Variants in MDGA2 observed in about 807,000 individuals in gnomAD.
The protein encoded by MDGA2 is MAM domain-containing glycosylphosphatidylinositol anchor protein 2.
Under a neutral mutation model 117.8 loss-of-function variants are expected in MDGA2, and 40 were observed. The ratio of observed to expected loss-of-function variants is 0.34; its 90% CI spans 0.26 to 0.44. The LOEUF (loss-of-function observed/expected upper bound fraction) is 0.44. Ranked by LOEUF, MDGA2 falls within the 20% of genes least tolerant of loss-of-function variation. MDGA2 has a pLI of 1.00. For missense variants in MDGA2, 1,123 were observed against 1,250.6 expected (o/e 0.90, Z 1.54); for synonymous variants, 452 against 439.0 (o/e 1.03, Z -0.37).
chr14:47,083,033 C>T (rs1016024582), intron 6 of MDGA2, among the ~76,000 whole-genome samples: 2 of 151,544 alleles, frequency 1.3e-5, no homozygotes, highest in African/African-American at 4.8e-5. Flanking sequence ...GACTGAAGCA[C>T]AGATGGAGAA....
At chr14:47,592,064 T>A (rs1482059802) in intron 1 of MDGA2, among the ~76,000 whole-genome samples, 1 of 152,054 alleles carries the variant, frequency 6.6e-6, no homozygotes, top group Non-Finnish European at 1.5e-5. Context: ...AAAATCGATG[T>A]GCAAAAATCA....
chr14:47,351,562 T>C (rs1193949017), intron 1 of MDGA2, among the ~76,000 whole-genome samples: 1 of 152,214 alleles, frequency 6.6e-6, no homozygotes, highest in Non-Finnish European at 1.5e-5. Flanking sequence ...CTAAATGAGA[T>C]ACAGGGTCTG....
At chr14:46,978,862 T>G (rs1886565063) in intron 8 of MDGA2, among the ~76,000 whole-genome samples, 1 of 152,184 alleles carries the variant, frequency 6.6e-6, no homozygotes, top group Non-Finnish European at 1.5e-5. Context: ...TGCAAAAAGG[T>G]CATTTCATAG....
At chr14:47,370,865 C>T (rs1006544026) in intron 1 of MDGA2, among the ~76,000 whole-genome samples, 5 of 151,804 alleles carry the variant, frequency 3.3e-5, no homozygotes, top group African/African-American at 9.6e-5. Flanking sequence ...TACCTAACCA[C>T]TTCTTAAATT....
At chr14:47,672,654 C>T (rs1283807035) in intron 1 of MDGA2, among the ~76,000 whole-genome samples, 2 of 152,054 alleles carry the variant, frequency 1.3e-5, no homozygotes, top group Non-Finnish European at 2.9e-5. Flanking sequence ...AAAAACAAAC[C>T]AGAACAAAAA....
intron 9 of MDGA2, among the ~76,000 whole-genome samples, chr14:46,945,304 T>C (rs1011296998): frequency 2.0e-5 from 3 of 152,108 alleles, no homozygotes; most frequent in African/African-American, 7.2e-5. Flanking sequence ...TGTTAAGGAG[T>C]ACCTAGAATA....
chr14:47,159,792 T>C (rs929721433), intron 3 of MDGA2, among the ~76,000 whole-genome samples: 4 of 152,208 alleles, frequency 2.6e-5, no homozygotes, highest in African/African-American at 7.2e-5. Flanking sequence ...TCTATTTTTA[T>C]CCTGGGTTAG....
intron 3 of MDGA2, among the ~76,000 whole-genome samples, chr14:47,177,810 T>C (rs1397131338): frequency 1.3e-5 from 2 of 151,986 alleles, no homozygotes; most frequent in East Asian, 3.9e-4. Context: ...TAAAATAAAA[T>C]AAAAATTAAA....
chr14:47,261,872 C>A (rs146271789), intron 2 of MDGA2, among the ~76,000 whole-genome samples: 6 of 151,970 alleles, frequency 3.9e-5, no homozygotes, highest in Non-Finnish European at 1.5e-5. Context: ...TATAGTCTTG[C>A]AGATAATTTT....
chr14:47,379,627 G>T (rs1334617203), intron 1 of MDGA2, among the ~76,000 whole-genome samples: 1 of 152,094 alleles, frequency 6.6e-6, no homozygotes, highest in South Asian at 2.1e-4. Context: ...GACAAAGAAG[G>T]CCATTACATA....
chr14:46,864,255 C>G (rs1254461025), intron 14 of MDGA2, among the ~76,000 whole-genome samples: 1 of 150,950 alleles, frequency 6.6e-6, no homozygotes, highest in Non-Finnish European at 1.5e-5. Context: ...TTTGTCAAAA[C>G]TCATCACACT....
At chr14:47,513,589 A>G (rs969192817) in intron 1 of MDGA2, among the ~76,000 whole-genome samples, 2 of 152,184 alleles carry the variant, frequency 1.3e-5, no homozygotes, top group Non-Finnish European at 2.9e-5. Context: ...TGGAAAAATG[A>G]ATGGGTAAAT....
chr14:47,250,247 A>G (rs964629159), intron 2 of MDGA2, among the ~76,000 whole-genome samples: 1 of 152,240 alleles, frequency 6.6e-6, no homozygotes, highest in Non-Finnish European at 1.5e-5. Context: ...ACTTTCAGGG[A>G]GCAGAATACT....
At chr14:47,015,701 A>T (rs1041316737) in intron 8 of MDGA2, among the ~76,000 whole-genome samples, 1 of 152,034 alleles carries the variant, frequency 6.6e-6, no homozygotes, top group African/African-American at 2.4e-5. Flanking sequence ...TGAAGTCAGG[A>T]CTCAAGAAAG....
chr14:47,301,228 CCA>C (rs1190283785), intron 2 of MDGA2, among the ~76,000 whole-genome samples, 181 bp downstream of exon 2: 3 of 151,930 alleles, frequency 2.0e-5, no homozygotes, highest in African/African-American at 7.3e-5. Flanking sequence ...GTTCCGAAAT[CCA>C]CACTCTTGTC....
intron 2 of MDGA2, among the ~76,000 whole-genome samples, chr14:47,276,430 G>T (rs909777150): frequency 6.6e-5 from 10 of 152,052 alleles, no homozygotes; most frequent in Admixed American, 5.9e-4. Context: ...ATGTGTATCA[G>T]GCAATAATAG....
intron 9 of MDGA2, among the ~76,000 whole-genome samples, chr14:46,949,096 T>C (rs927284528): frequency 2.6e-5 from 4 of 152,078 alleles, no homozygotes; most frequent in African/African-American, 7.2e-5. Context: ...CCTAAAATTA[T>C]GTGAGCCATG....
chr14:47,067,568 A>T (rs1890130877), intron 6 of MDGA2, among the ~76,000 whole-genome samples: 1 of 151,856 alleles, frequency 6.6e-6, no homozygotes, highest in South Asian at 2.1e-4. Flanking sequence ...CATCTAATAA[A>T]CTCACCTACA....
At chr14:47,142,872 T>C (rs1190402092) in intron 4 of MDGA2, among the ~76,000 whole-genome samples, 2 of 152,162 alleles carry the variant, frequency 1.3e-5, no homozygotes, top group Non-Finnish European at 2.9e-5. Context: ...TTTCCAGAGA[T>C]TTATATTTTG....
Sources: allele counts gnomAD v4.1 joint callset (sites outside exome capture counted in the v4.1 genomes callset), GRCh38; gene constraint gnomAD v4.1.1; transcripts MANE v1.5; gene names NCBI Gene and HGNC (gene_info 2026-07-23, HGNC 2026-07-21).